The following CNTN5 variants were observed in gnomAD, a reference collection of about 807,000 sequenced individuals.
CNTN5 encodes contactin-5.
In CNTN5, 77 loss-of-function variants were observed where a neutral mutation model predicts 129.1. That is an observed-to-expected ratio of 0.60 (90% confidence interval 0.50 to 0.72). The LOEUF is 0.72. Among genes scored for constraint, CNTN5 ranks in the 30% least tolerant of loss-of-function variants. CNTN5 has a pLI of 0.00. For synonymous variants in CNTN5, 509 were observed against 465.6 expected, an observed-to-expected ratio of 1.09 and a Z score of -1.20; for missense variants, 1,478 against 1,328.8, an observed-to-expected ratio of 1.11 and a Z score of -1.75.
At chr11:99,196,019 A>T (rs2135605860) in intron 1 of CNTN5, among the ~76,000 whole-genome samples, 1 of 152,124 alleles carries the variant, frequency 6.6e-6, no homozygotes, top group Non-Finnish European at 1.5e-5. Context: ...ACAGAGGATG[A>T]TATTGTAAAG....
chr11:100,269,311 G>C (rs1390904460), intron 17 of CNTN5, among the ~76,000 whole-genome samples: 3 of 152,148 alleles, frequency 2.0e-5, no homozygotes, highest in Non-Finnish European at 1.5e-5. Flanking sequence ...AGTCTGAATA[G>C]CATGGGTTCA....
At chr11:99,874,972 T>A (rs1948595364) in intron 6 of CNTN5, among the ~76,000 whole-genome samples, 8 of 152,168 alleles carry the variant, frequency 5.3e-5, no homozygotes, top group Admixed American at 5.2e-4. Flanking sequence ...AAATTCATCA[T>A]TTCTTCTAGA....
intron 3 of CNTN5, among the ~76,000 whole-genome samples, chr11:99,656,332 C>T (rs1272007231): frequency 6.6e-6 from 1 of 152,058 alleles, no homozygotes; most frequent in Non-Finnish European, 1.5e-5. Flanking sequence ...GATAGCTAGA[C>T]CTTTCATATT....
chr11:100,218,068 A>T (rs528518812), intron 15 of CNTN5, among the ~76,000 whole-genome samples: 1 of 152,238 alleles, frequency 6.6e-6, no homozygotes, highest in African/African-American at 2.4e-5. Flanking sequence ...ACAAACCAGT[A>T]TAAAGTGAAC....
intron 2 of CNTN5, among the ~76,000 whole-genome samples, chr11:99,360,220 G>T (rs1591571766): frequency 6.6e-6 from 1 of 152,160 alleles, no homozygotes; most frequent in East Asian, 1.9e-4. Flanking sequence ...TGGCTTTGCT[G>T]GAGGCAGTTC....
chr11:99,615,382 G>C (rs1950727817), intron 3 of CNTN5, among the ~76,000 whole-genome samples: 1 of 152,126 alleles, frequency 6.6e-6, no homozygotes, highest in African/African-American at 2.4e-5. Flanking sequence ...TTAACTTCAA[G>C]TTAGTATAAA....
rs572746800 is a variant in CNTN5, at chr11:99,786,840, T to C, written c.56-32704T>C. Among the ~76,000 whole-genome samples, 11 of 152,334 alleles carry C rather than the reference T, an allele frequency of 7.2e-5. No individual in the cohort carries two copies. The South Asian group carries it at 1.5e-3, about 20-fold the overall frequency. On this transcript the variant is annotated intron_variant, in intron 3 of 24. Coordinates refer to ENST00000524871, the MANE Select transcript of CNTN5 (RefSeq NM_014361.4). ...AACTGGACCCCTTCCTTACACGTTA[T>C]ACAAAAATTAACTGAAGATGGATTA...
intron 18 of CNTN5, among the ~76,000 whole-genome samples, chr11:100,281,459 A>G (rs992402946): frequency 1.3e-5 from 2 of 152,020 alleles, no homozygotes; most frequent in African/African-American, 2.4e-5. Flanking sequence ...GCTGCCAGAC[A>G]TATTGGAGCT....
At chr11:99,608,799 T>C (rs995356995) in intron 3 of CNTN5, among the ~76,000 whole-genome samples, 1 of 152,158 alleles carries the variant, frequency 6.6e-6, no homozygotes, top group Admixed American at 6.5e-5. Flanking sequence ...CTAGTTCACA[T>C]ATGTATGTAG....
chr11:99,295,923 G>A (rs967529568), intron 1 of CNTN5, among the ~76,000 whole-genome samples: 1 of 147,958 alleles, frequency 6.8e-6, no homozygotes, highest in Non-Finnish European at 1.5e-5. Context: ...GACTGATTAT[G>A]AGGCAACGTA....
At chr11:99,584,367 C>T (rs550859333) in intron 3 of CNTN5, among the ~76,000 whole-genome samples, 23 of 152,298 alleles carry the variant, frequency 1.5e-4, no homozygotes, top group African/African-American at 5.1e-4. Context: ...CAGAGCTTCT[C>T]ATGCTGTTGG....
chr11:100,250,531 G>T (rs76802138), intron 16 of CNTN5, among the ~76,000 whole-genome samples: 5,223 of 151,978 alleles, frequency 0.034, 325 homozygotes, highest in African/African-American at 0.12. Flanking sequence ...TTCATTATAA[G>T]AATTTAGAAT....
At chr11:99,249,201 C>T (rs541219368) in intron 1 of CNTN5, among the ~76,000 whole-genome samples, 1 of 152,132 alleles carries the variant, frequency 6.6e-6, no homozygotes, top group East Asian at 1.9e-4. Flanking sequence ...AAGTTGGATT[C>T]CTAGGTATTT....
At chr11:100,212,660 A>T (rs899231157) in intron 15 of CNTN5, among the ~76,000 whole-genome samples, 3 of 152,130 alleles carry the variant, frequency 2.0e-5, no homozygotes, top group Non-Finnish European at 2.9e-5. Context: ...CTAGGTCTCC[A>T]TCTTCAAAGT....
At chr11:99,514,706 A>G (rs1946978321) in intron 2 of CNTN5, among the ~76,000 whole-genome samples, 1 of 152,074 alleles carries the variant, frequency 6.6e-6, no homozygotes, top group Non-Finnish European at 1.5e-5. Flanking sequence ...ACCTAATGCT[A>G]TTGCACACTT....
intron 4 of CNTN5, among the ~76,000 whole-genome samples, chr11:99,836,183 G>A (rs1276770076): frequency 6.9e-6 from 1 of 144,890 alleles, no homozygotes; most frequent in African/African-American, 2.6e-5. Flanking sequence ...TAGGGTACAT[G>A]TGCGCAACGT....
chr11:100,100,102 A>G (rs1429081237), intron 13 of CNTN5, among the ~76,000 whole-genome samples: 1 of 152,086 alleles, frequency 6.6e-6, no homozygotes, highest in Admixed American at 6.6e-5. Flanking sequence ...CAGCTCTCAT[A>G]TAATCTGCTG....
At chr11:99,957,125 T>A in intron 8 of CNTN5, 116 bp downstream of exon 8, 1 of 921,952 alleles carries the variant, frequency 1.1e-6, no homozygotes. Context: ...AAAAGGCATT[T>A]GCCATATTTA....
intron 2 of CNTN5, among the ~76,000 whole-genome samples, chr11:99,366,467 A>T (rs904857654): frequency 3.3e-5 from 5 of 152,200 alleles, no homozygotes; most frequent in African/African-American, 1.2e-4. Flanking sequence ...ATTTCAGAAA[A>T]GACTGGGGAA....
Sources: gnomAD v4.1 joint callset for allele counts (sites outside exome capture counted in the v4.1 genomes callset) on GRCh38, gnomAD v4.1.1 for gene constraint, MANE v1.5 for transcripts, NCBI Gene and HGNC (gene_info 2026-07-23, HGNC 2026-07-21) for gene names.